MARCHF3: variants seen among roughly 807,000 people sequenced by gnomAD.
The protein encoded by MARCHF3 is membrane associated ring-CH-type finger 3.
A neutral mutation model predicts 24.2 loss-of-function variants in MARCHF3; 13 were observed. The observed-to-expected ratio is 0.54, with a 90% CI of 0.35 to 0.85. The LOEUF (loss-of-function observed/expected upper bound fraction) is 0.85, where lower values mean the gene tolerates loss of function less well. Among genes scored for constraint, MARCHF3 ranks in the 40% least tolerant of loss-of-function variants. MARCHF3 has a pLI of 0.01. For synonymous variants in MARCHF3, 144 were observed against 137.3 expected (o/e 1.05, Z -0.34); for missense variants, 276 against 325.0 (o/e 0.85, Z 1.16).
intron 1 of MARCHF3, among the ~76,000 whole-genome samples, chr5:127,008,691 G>A (rs1404334595): frequency 6.6e-6 from 1 of 152,110 alleles, no homozygotes. Flanking sequence ...TATTTGCTCT[G>A]AACATGGTTT....
chr5:127,016,181 T>C (rs1752632847), intron 1 of MARCHF3, among the ~76,000 whole-genome samples: 1 of 152,198 alleles, frequency 6.6e-6, no homozygotes. Context: ...ATAGCTTTTA[T>C]TACTAACCAT....
At chr5:126,929,417 G>A (rs966311342) in intron 1 of MARCHF3, among the ~76,000 whole-genome samples, 2 of 152,164 alleles carry the variant, frequency 1.3e-5, no homozygotes, top group Admixed American at 1.3e-4. Flanking sequence ...AATTCTAAGG[G>A]TCTAATGATT....
chr5:126,951,986 A>G (rs1238788413), intron 1 of MARCHF3, among the ~76,000 whole-genome samples: 1 of 152,094 alleles, frequency 6.6e-6, no homozygotes, highest in Non-Finnish European at 1.5e-5. Context: ...ACCTGGGATT[A>G]CAGGCGCCCA....
chr5:126,871,432 G>A (rs924127913), intron 4 of MARCHF3, among the ~76,000 whole-genome samples: 7 of 152,176 alleles, frequency 4.6e-5, no homozygotes, highest in African/African-American at 1.7e-4. Context: ...CGAGCCTCAG[G>A]CTAGGTGGGG....
intron 1 of MARCHF3, among the ~76,000 whole-genome samples, chr5:126,981,257 T>C (rs988122381): frequency 6.6e-6 from 1 of 152,220 alleles, no homozygotes; most frequent in African/African-American, 2.4e-5. Flanking sequence ...CTCAGAATAA[T>C]GGAACCTCTC....
chr5:126,985,471 ATTTTTTT>A (rs1206777153), intron 1 of MARCHF3, among the ~76,000 whole-genome samples: 1 of 118,966 alleles, frequency 8.4e-6, no homozygotes, highest in Admixed American at 8.1e-5. Flanking sequence ...ATGAACTTTT[ATTTTTTT>A]TTTTTTTTTG....
chr5:126,922,302 T>C (rs1172230530), intron 1 of MARCHF3, among the ~76,000 whole-genome samples: 3 of 152,154 alleles, frequency 2.0e-5, no homozygotes, highest in Non-Finnish European at 2.9e-5. Context: ...CTCTCAGACT[T>C]TTCCTGAGAT....
intron 1 of MARCHF3, among the ~76,000 whole-genome samples, chr5:127,010,106 G>C (rs1480056130): frequency 4.6e-5 from 7 of 152,138 alleles, no homozygotes; most frequent in African/African-American, 1.7e-4. Flanking sequence ...TCAGGGTTCT[G>C]AGTGGGGTTG....
At chr5:127,011,241 T>A (rs1469899998) in intron 1 of MARCHF3, among the ~76,000 whole-genome samples, 1 of 152,182 alleles carries the variant, frequency 6.6e-6, no homozygotes, top group Non-Finnish European at 1.5e-5. Context: ...CTCGGTACAC[T>A]GAATCCATCA....
At chr5:126,948,472 G>T (rs1462851326) in intron 1 of MARCHF3, among the ~76,000 whole-genome samples, 1 of 152,146 alleles carries the variant, frequency 6.6e-6, no homozygotes, top group Non-Finnish European at 1.5e-5. Flanking sequence ...AACACACAAA[G>T]GTACAGGGAA....
chr5:126,984,460 A>G (rs1751495229), intron 1 of MARCHF3, among the ~76,000 whole-genome samples: 1 of 152,218 alleles, frequency 6.6e-6, no homozygotes, highest in Non-Finnish European at 1.5e-5. Flanking sequence ...GTTGAGGTCC[A>G]TAGGGGAACC....
chr5:126,877,696 C>A (rs72780289), intron 4 of MARCHF3, among the ~76,000 whole-genome samples: 1 of 152,100 alleles, frequency 6.6e-6, no homozygotes, highest in African/African-American at 2.4e-5. Flanking sequence ...AGGCAAAGTG[C>A]GGCTCCACGT....
intron 1 of MARCHF3, among the ~76,000 whole-genome samples, chr5:126,946,761 G>GGTGGGTGTGTGTGT (rs1554067633): frequency 1.5e-5 from 2 of 135,946 alleles, no homozygotes; most frequent in Non-Finnish European, 3.1e-5. Flanking sequence ...TGTAAGTAGG[G>GGTGGGTGTGTGTGT]GTGTGTGTGT....
At chr5:126,886,233 A>G (rs1753505862) in intron 3 of MARCHF3, among the ~76,000 whole-genome samples, 1 of 152,200 alleles carries the variant, frequency 6.6e-6, no homozygotes, top group Non-Finnish European at 1.5e-5. Context: ...TTAAGGTTAC[A>G]TGGTGAGGTG....
At chr5:126,963,723 A>G (rs1427453038) in intron 1 of MARCHF3, among the ~76,000 whole-genome samples, 1 of 152,240 alleles carries the variant, frequency 6.6e-6, no homozygotes, top group Non-Finnish European at 1.5e-5. Flanking sequence ...AAGAGCAAGT[A>G]GAGGATTTTG....
intron 3 of MARCHF3, among the ~76,000 whole-genome samples, chr5:126,888,378 G>T (rs1240331567): frequency 6.6e-6 from 1 of 152,152 alleles, no homozygotes; most frequent in Non-Finnish European, 1.5e-5. Flanking sequence ...TTGTAATTTG[G>T]CTCTGACATT....
chr5:126,962,799 A>G (rs1008169116), intron 1 of MARCHF3, among the ~76,000 whole-genome samples: 2 of 147,840 alleles, frequency 1.4e-5, no homozygotes, highest in African/African-American at 5.0e-5. Flanking sequence ...CATTTTGAAT[A>G]TGGAATACTC....
intron 3 of MARCHF3, among the ~76,000 whole-genome samples, chr5:126,897,087 T>C (rs1753947379): frequency 7.5e-6 from 1 of 132,870 alleles, no homozygotes. Flanking sequence ...TTGCCTGGAC[T>C]GGAGTGCAAT....
intron 1 of MARCHF3, among the ~76,000 whole-genome samples, chr5:126,949,172 T>A (rs1339751012): frequency 6.6e-6 from 1 of 152,228 alleles, no homozygotes; most frequent in Non-Finnish European, 1.5e-5. Context: ...TGCCAACTCC[T>A]ACATGAACAT....
Sources: gnomAD v4.1 joint callset for allele counts (sites outside exome capture counted in the v4.1 genomes callset) on GRCh38, gnomAD v4.1.1 for gene constraint, MANE v1.5 for transcripts, NCBI Gene and HGNC (gene_info 2026-07-23, HGNC 2026-07-21) for gene names.